The following TMEM108 variants were observed in gnomAD, a reference collection of about 807,000 sequenced individuals.
TMEM108 encodes cancer/testis antigen 124.
TMEM108 carries 12 observed loss-of-function variants against 35.1 expected under a neutral mutation model. The observed-to-expected ratio is 0.34, with a 90% confidence interval of 0.22 to 0.55. The LOEUF is 0.55. Ranked by LOEUF, TMEM108 falls within the 20% of genes least tolerant of loss-of-function variation. TMEM108 has a pLI of 0.89. For missense variants in TMEM108, 680 were observed against 753.3 expected (o/e 0.90, Z 1.14); for synonymous variants, 287 against 308.6 (o/e 0.93, Z 0.73).
intron 2 of TMEM108, among the ~76,000 whole-genome samples, chr3:133,143,794 G>C (rs1944673283): frequency 6.6e-6 from 1 of 151,976 alleles, no homozygotes; most frequent in Non-Finnish European, 1.5e-5. Context: ...TGACCACGCT[G>C]GTGTCTCGCC....
At chr3:133,394,710 A>G (rs1041966755) in intron 5 of TMEM108, among the ~76,000 whole-genome samples, 2 of 152,208 alleles carry the variant, frequency 1.3e-5, no homozygotes, top group African/African-American at 4.8e-5. Context: ...CCCCATATCC[A>G]CCCTTAGATA....
intron 2 of TMEM108, among the ~76,000 whole-genome samples, chr3:133,113,134 T>C (rs921154441): frequency 2.0e-5 from 3 of 152,146 alleles, no homozygotes; most frequent in Admixed American, 2.0e-4. Context: ...AGGAGGGTTT[T>C]CCTGAAATTG....
At chr3:133,388,713 G>A in intron 4 of TMEM108, 2 of 985,460 alleles carry the variant, frequency 2.0e-6, no homozygotes, top group Non-Finnish European at 2.4e-6. Context: ...ACCTTTCCAG[G>A]TTGAGAGGCC....
At chr3:133,316,669 T>C (rs935231119) in intron 3 of TMEM108, among the ~76,000 whole-genome samples, 1 of 152,236 alleles carries the variant, frequency 6.6e-6, no homozygotes, top group Admixed American at 6.5e-5. Flanking sequence ...CCTGTAACTC[T>C]GGAATGTTTT....
chr3:133,141,513 CCT>C (rs1944640624), intron 2 of TMEM108, among the ~76,000 whole-genome samples: 1 of 152,144 alleles, frequency 6.6e-6, no homozygotes, highest in African/African-American at 2.4e-5. Context: ...TCAGACGCTA[CCT>C]GTCCATGGGA....
intron 2 of TMEM108, among the ~76,000 whole-genome samples, chr3:133,221,800 A>G (rs375557995): frequency 3.3e-4 from 50 of 150,968 alleles, no homozygotes; most frequent in Admixed American, 3.3e-3. Context: ...TGCAAAATAA[A>G]CCTTTACAAT....
At position 133,181,008 on chromosome 3, in the gene TMEM108, TA is replaced by T. The variant is rs369228472; in HGVS notation, c.-46-48228del. On this transcript the variant is annotated intron_variant, in intron 2 of 5. Coordinates refer to ENST00000321871, the MANE Select transcript of TMEM108 (RefSeq NM_023943.4). ...TGTACTGGCTATTGGGCAGTTGTGT[TA>T]AAAAAAAAAAAAAAAAAAAAAAAAA... is the stretch of plus-strand genomic sequence containing the variant. Among the ~76,000 whole-genome samples the T allele has an allele frequency of 8.6e-3, 651 of 75,734 alleles. 16 individuals are homozygous for T. The highest frequency in any genetic ancestry group is 0.024 in the African/African-American group (458 of 19,430). The allele number at this position is 75,734 out of a possible 152,430, so 49.7% of individuals were successfully genotyped here. A position where few individuals can be genotyped will look rare whatever the true frequency, so the allele number is the denominator to read the frequency against.
intron 3 of TMEM108, among the ~76,000 whole-genome samples, chr3:133,252,398 A>G (rs1946484437): frequency 6.6e-6 from 1 of 152,166 alleles, no homozygotes; most frequent in Admixed American, 6.5e-5. Context: ...AGAGAATCTG[A>G]ATGAAAATTT....
At chr3:133,278,272 A>C (rs1946865111) in intron 3 of TMEM108, among the ~76,000 whole-genome samples, 1 of 152,272 alleles carries the variant, frequency 6.6e-6, no homozygotes, top group Non-Finnish European at 1.5e-5. Flanking sequence ...GACTTGAATT[A>C]GAATGCTGGC....
At chr3:133,220,470 A>G (rs1023992421) in intron 2 of TMEM108, among the ~76,000 whole-genome samples, 1 of 152,198 alleles carries the variant, frequency 6.6e-6, no homozygotes, top group African/African-American at 2.4e-5. Flanking sequence ...AATGTAATCC[A>G]TTTATAATCA....
chr3:133,263,780 C>T (rs1439980610), intron 3 of TMEM108, among the ~76,000 whole-genome samples: 1 of 152,198 alleles, frequency 6.6e-6, no homozygotes, highest in Admixed American at 6.5e-5. Flanking sequence ...CCAGACCACA[C>T]AGCTGCGGTG....
intron 4 of TMEM108, chr3:133,386,422 A>C (rs1454255453): frequency 2.0e-6 from 3 of 1,536,178 alleles, no homozygotes; most frequent in Non-Finnish European, 2.6e-6. Flanking sequence ...CTCATCACAC[A>C]GCAGATCCTA....
Position 133,274,162 on chromosome 3 carries a change from G to A in TMEM108, c.40+44811G>A, listed in dbSNP as rs1444947310. The stretch of plus-strand genomic sequence containing the variant: ...AAAATTATCTGCACAGCGGATGCAT[G>A]CCCCACTGCCTTCCCATCTACAAGA... On this transcript the variant is annotated intron_variant, in intron 3 of 5. Coordinates refer to ENST00000321871, the MANE Select transcript of TMEM108 (RefSeq NM_023943.4). Among the ~76,000 whole-genome samples the A allele has an allele frequency of 2.0e-5, 3 of 152,170 alleles. No individual in the cohort carries two copies. The East Asian group carries it at 5.8e-4, about 29-fold the overall frequency.
intron 5 of TMEM108, among the ~76,000 whole-genome samples, chr3:133,394,849 T>G (rs180734293): frequency 6.6e-6 from 1 of 152,364 alleles, no homozygotes; most frequent in Non-Finnish European, 1.5e-5. Context: ...GTATCTGTTA[T>G]GTATGTTTTG....
intron 2 of TMEM108, among the ~76,000 whole-genome samples, chr3:133,210,068 C>G (rs1016779462): frequency 6.6e-6 from 1 of 152,200 alleles, no homozygotes; most frequent in African/African-American, 2.4e-5. Flanking sequence ...CACTGACTCA[C>G]TCCTTTGCTG....
chr3:133,179,682 G>A (rs1576365660), intron 2 of TMEM108, among the ~76,000 whole-genome samples: 6 of 152,190 alleles, frequency 3.9e-5, no homozygotes, highest in South Asian at 2.1e-4. Flanking sequence ...GGGAGGGATA[G>A]CATTGGGAGA....
chr3:133,169,115 C>T (rs917766535), intron 2 of TMEM108, among the ~76,000 whole-genome samples: 2 of 152,186 alleles, frequency 1.3e-5, no homozygotes, highest in African/African-American at 4.8e-5. Flanking sequence ...CCCACCAATT[C>T]CAGACACACT....
chr3:133,390,446 C>T lies in TMEM108; in HGVS notation c.1605+112C>T, dbSNP rs898375991. ...GCTCCTTAACGTATGGCCCATGGAC[C>T]AGCAGTATCAATAACACCCAAGAGG... On this transcript the variant is annotated intron_variant, in intron 5 of 5. Coordinates refer to ENST00000321871, the MANE Select transcript of TMEM108 (RefSeq NM_023943.4). 1.2e-5 allele frequency: 15 copies of T among 1,204,334 alleles called. 1 individual carries two copies. The highest frequency in any genetic ancestry group is 2.0e-5 in the Admixed American group (1 of 49,378). 74.6% of individuals were successfully genotyped at this position (1,204,334 alleles called of 1,614,324 possible). A position where few individuals can be genotyped will look rare whatever the true frequency, so the allele number is the denominator to read the frequency against.
intron 2 of TMEM108, chr3:133,074,462 T>G (rs1943716351): frequency 6.6e-6 from 1 of 152,182 alleles, no homozygotes; most frequent in Non-Finnish European, 1.5e-5. Flanking sequence ...AGCCTACGGT[T>G]GGGAAAAATC....
Sources: allele counts gnomAD v4.1 joint callset (sites outside exome capture counted in the v4.1 genomes callset), GRCh38; gene constraint gnomAD v4.1.1; transcripts MANE v1.5; gene names NCBI Gene and HGNC (gene_info 2026-07-23, HGNC 2026-07-21).